CDK6: variants seen among roughly 807,000 people sequenced by gnomAD.
The protein encoded by CDK6 is cyclin dependent kinase 6.
CDK6 carries 6 observed loss-of-function variants against 37.1 expected under a neutral mutation model. That is an observed-to-expected ratio of 0.16 (90% CI 0.09 to 0.32). The LOEUF (loss-of-function observed/expected upper bound fraction) is 0.32. CDK6 is among the 10% of genes least tolerant of loss of function. The pLI, the probability that CDK6 is intolerant of heterozygous loss-of-function variation, is 1.00. For missense variants in CDK6, 224 were observed against 418.9 expected, an observed-to-expected ratio of 0.53 and a Z score of 4.06; for synonymous variants, 160 against 161.3, an observed-to-expected ratio of 0.99 and a Z score of 0.06.
intron 2 of CDK6, among the ~76,000 whole-genome samples, chr7:92,829,987 T>C (rs1363462607): frequency 5.3e-5 from 8 of 152,184 alleles, no homozygotes; most frequent in East Asian, 1.9e-4. Flanking sequence ...CCTCAGTAAA[T>C]ATTTGGTGAA....
At chr7:92,656,583 C>T (rs1796705114) in intron 5 of CDK6, among the ~76,000 whole-genome samples, 1 of 152,130 alleles carries the variant, frequency 6.6e-6, no homozygotes, top group Non-Finnish European at 1.5e-5. Context: ...TTTGCATAAA[C>T]ACAATAAAAC....
At chr7:92,805,263 T>A (rs1487944202) in intron 2 of CDK6, among the ~76,000 whole-genome samples, 1 of 152,138 alleles carries the variant, frequency 6.6e-6, no homozygotes, top group Non-Finnish European at 1.5e-5. Context: ...CTCAAGTCAC[T>A]CAGGATCAAA....
intron 2 of CDK6, among the ~76,000 whole-genome samples, chr7:92,780,772 AAAAAAAAC>A (rs1389538770): frequency 2.0e-5 from 3 of 151,458 alleles, no homozygotes; most frequent in South Asian, 2.1e-4. Flanking sequence ...TCAAAAAAAA[AAAAAAAAC>A]AAAAAAACAA....
At chr7:92,828,819 T>C (rs1801401236) in intron 2 of CDK6, among the ~76,000 whole-genome samples, 1 of 152,182 alleles carries the variant, frequency 6.6e-6, no homozygotes, top group Non-Finnish European at 1.5e-5. Flanking sequence ...CAAGTTCTTC[T>C]GTAGGAACAA....
intron 4 of CDK6, among the ~76,000 whole-genome samples, chr7:92,699,526 T>A (rs1429123000): frequency 6.6e-6 from 1 of 152,268 alleles, no homozygotes; most frequent in Non-Finnish European, 1.5e-5. Flanking sequence ...CATGTCCTCA[T>A]GGACAATACA....
chr7:92,731,407 T>C (rs1196067751), intron 3 of CDK6, among the ~76,000 whole-genome samples: 1 of 152,154 alleles, frequency 6.6e-6, no homozygotes, highest in Non-Finnish European at 1.5e-5. Context: ...AAGCAAGCCA[T>C]TAACTGGCAA....
At chr7:92,761,432 G>GAT (rs1799455194) in intron 3 of CDK6, among the ~76,000 whole-genome samples, 1 of 152,128 alleles carries the variant, frequency 6.6e-6, no homozygotes, top group Non-Finnish European at 1.5e-5. Context: ...AATCAGGCCT[G>GAT]TTTCTAGCAA....
intron 5 of CDK6, among the ~76,000 whole-genome samples, chr7:92,665,557 G>T (rs777249258): frequency 1.3e-5 from 2 of 152,074 alleles, no homozygotes; most frequent in Admixed American, 1.3e-4. Flanking sequence ...TCAACCATCT[G>T]CCCTATGACT....
intron 3 of CDK6, among the ~76,000 whole-genome samples, chr7:92,755,977 T>C (rs6945315): frequency 9.3e-4 from 142 of 152,190 alleles, no homozygotes; most frequent in African/African-American, 3.3e-3. Flanking sequence ...TTCAAGCCCA[T>C]TAATTGCCCA....
intron 5 of CDK6, among the ~76,000 whole-genome samples, chr7:92,670,732 A>G (rs1375454750): frequency 6.6e-6 from 1 of 152,214 alleles, no homozygotes; most frequent in Non-Finnish European, 1.5e-5. Context: ...CTGAAACATC[A>G]CCAATGTGTG....
chr7:92,800,240 C>T (rs1003633385), intron 2 of CDK6, among the ~76,000 whole-genome samples: 4 of 152,172 alleles, frequency 2.6e-5, no homozygotes, highest in Non-Finnish European at 5.9e-5. Context: ...CCGCTTTACC[C>T]TCTGCTATGA....
chr7:92,747,443 C>T (rs1799087352), intron 3 of CDK6, among the ~76,000 whole-genome samples: 7 of 152,168 alleles, frequency 4.6e-5, no homozygotes. Context: ...AACACAGTGC[C>T]TCCACAATCA....
At chr7:92,726,930 CACCAT>C (rs1342236144) in intron 3 of CDK6, among the ~76,000 whole-genome samples, 36 of 152,290 alleles carry the variant, frequency 2.4e-4, no homozygotes, top group African/African-American at 7.9e-4. Flanking sequence ...AAGCACTTAG[CACCAT>C]AGTTAATATT....
chr7:92,633,356 A>T (rs1036497032), intron 5 of CDK6, among the ~76,000 whole-genome samples: 1 of 152,038 alleles, frequency 6.6e-6, no homozygotes, highest in Non-Finnish European at 1.5e-5. Context: ...GACAGAACAG[A>T]CCTATTTGAA....
intron 3 of CDK6, among the ~76,000 whole-genome samples, chr7:92,761,984 G>C (rs760149466): frequency 1.6e-4 from 24 of 152,192 alleles, no homozygotes; most frequent in Non-Finnish European, 2.5e-4. Context: ...ATTAAGAAAA[G>C]ATGATGTCAA....
intron 3 of CDK6, among the ~76,000 whole-genome samples, chr7:92,727,417 G>C (rs1241797211): frequency 6.6e-6 from 1 of 152,170 alleles, no homozygotes; most frequent in Non-Finnish European, 1.5e-5. Context: ...CAAAACCAAA[G>C]CCTTAGTTTT....
intron 2 of CDK6, among the ~76,000 whole-genome samples, chr7:92,777,543 G>T (rs1261375187): frequency 4.6e-5 from 7 of 152,344 alleles, no homozygotes; most frequent in African/African-American, 1.7e-4. Context: ...ACCGTGCCCA[G>T]CCATGTGGCA....
At chr7:92,662,957 T>TGTGAG (rs1411935232) in intron 5 of CDK6, among the ~76,000 whole-genome samples, 2 of 152,088 alleles carry the variant, frequency 1.3e-5, no homozygotes, top group African/African-American at 4.8e-5. Context: ...TGAAGAAGAT[T>TGTGAG]GTGAGTAAAA....
Position 92,607,855 on chromosome 7 carries a change from G to A in CDK6, c.*7285C>T, listed in dbSNP as rs1795463236. ...AAGTGAGGAACTATGATATACATGT[G>A]TATATTTTTGCAAACACAGGATCAG... On this transcript the variant is annotated 3_prime_UTR_variant, in exon 8 of 8. Coordinates refer to ENST00000424848, the MANE Select transcript of CDK6 (RefSeq NM_001145306.2). 1.7e-5 allele frequency: 4 copies of A among 233,362 alleles called. No homozygotes were observed. The highest frequency in any genetic ancestry group is 3.4e-5 in the Non-Finnish European group (4 of 117,886). The allele number at this position is 233,362 out of a possible 1,614,324, so 14.5% of individuals were successfully genotyped here.
Sources: allele counts gnomAD v4.1 joint callset (sites outside exome capture counted in the v4.1 genomes callset), GRCh38; gene constraint gnomAD v4.1.1; transcripts MANE v1.5; gene names NCBI Gene and HGNC (gene_info 2026-07-23, HGNC 2026-07-21).